HSPA5: variants seen among roughly 807,000 people sequenced by gnomAD.
The protein encoded by HSPA5 is endoplasmic reticulum chaperone BiP.
In HSPA5, 16 loss-of-function variants were observed where a neutral mutation model predicts 49.5. The ratio of observed to expected loss-of-function variants is 0.32; its 90% CI spans 0.22 to 0.49. The LOEUF is 0.49. Among genes scored for constraint, HSPA5 ranks in the 20% least tolerant of loss-of-function variants. The probability of loss-of-function intolerance (pLI) is 0.99; values close to 1 mark genes in which losing one functional copy is unlikely to be tolerated. For missense variants in HSPA5, 376 were observed against 819.0 expected (o/e 0.46, Z 6.60); for synonymous variants, 271 against 307.2 (o/e 0.88, Z 1.23).
Position 125,240,184 on chromosome 9 carries a change from A to G in HSPA5, c.480T>C (p.Tyr160=). 6.3e-7 allele frequency: 1 copy of G among 1,597,086 alleles called. No individual in the cohort carries two copies. The change falls in exon 3 of 8, where the codon TAT becomes TAC. Residue 160 remains tyrosine (Y), a synonymous_variant. Transcript: ENST00000324460. This position sits in a 1 kb window ranked among gnomAD's most constrained non-coding sequence, Gnocchi z 4.4. The part of the protein sequence containing the change: ...LTKMKETAEA[Y]LGKKVTHAVV... ...TAGAAATATTTACCTTCTTTCCCAA[A>G]TAAGCCTCAGCGGTTTCTTTCATTT... is the stretch of plus-strand genomic sequence containing the variant.
At chr9:125,238,029 G>T in intron 7 of HSPA5, 112 bp downstream of exon 7, 1 of 788,298 alleles carries the variant, frequency 1.3e-6, no homozygotes, top group Non-Finnish European at 2.1e-6. Flanking sequence ...TTGAACCCGG[G>T]AGACAGAATT....
At chr9:125,238,897 G>C in intron 5 of HSPA5, 44 bp downstream of exon 5, 1 of 1,604,458 alleles carries the variant, frequency 6.2e-7, no homozygotes, top group Non-Finnish European at 8.5e-7. Context: ...TGAATTCAGA[G>C]TCTAAGGAGA....
chr9:125,237,670 A>C (rs1165191557), intron 7 of HSPA5, among the ~76,000 whole-genome samples: 1 of 144,930 alleles, frequency 6.9e-6, no homozygotes, highest in Admixed American at 6.8e-5. Context: ...GCAAGACTCC[A>C]TTAAAAAAAA....
In HSPA5 at chr9:125,239,612, C is replaced by T; in HGVS notation, c.493-79G>A. 1 of 1,165,848 alleles carries T rather than the reference C, an allele frequency of 8.6e-7. No individual in the cohort carries two copies. Among genetic ancestry groups the T allele is most frequent in the South Asian group, 1.3e-5 (1 of 79,302 alleles). 72.2% of individuals were successfully genotyped at this position (1,165,848 alleles called of 1,614,324 possible). On this transcript the variant is annotated intron_variant, in intron 3 of 7. Transcript: ENST00000324460. The surrounding 1 kb of genome is among the most constrained non-coding windows in gnomAD (Gnocchi z 5.5). The stretch of plus-strand genomic sequence containing the variant: ...AAATTACAGTCTGGCCAGGCGGTGG[C>T]TTCTGCCTATAATCCCAGCACTTTG...
chr9:125,237,337 C>T (rs902557442), intron 7 of HSPA5, among the ~76,000 whole-genome samples, 183 bp from the exon 8 acceptor site: 1 of 152,192 alleles, frequency 6.6e-6, no homozygotes, highest in African/African-American at 2.4e-5. Flanking sequence ...ACTAACTCAA[C>T]TGAATTTTAT....
rs1403052459 is a variant in HSPA5 at position 125,235,389 on chromosome 9, A to G, written c.*1203T>C. On this transcript the variant is annotated 3_prime_UTR_variant, in exon 8 of 8. Transcript: ENST00000324460. ...GCTAATTTTTGTATTTTCAGTAGAG[A>G]TGGAGTTTCACCATGTTGGCAAAGA... 6.6e-6 allele frequency: 1 copy of G among 151,788 alleles called. No individual in the cohort carries two copies. Among genetic ancestry groups the G allele is most frequent in the African/African-American group, 2.4e-5 (1 of 41,302 alleles). 9.4% of individuals were successfully genotyped at this position (151,788 alleles called of 1,614,324 possible).
Position 125,239,040 on chromosome 9 carries a change from C to T in HSPA5, c.897G>A (p.Leu299=). 2 of 1,614,160 alleles carry T rather than the reference C, an allele frequency of 1.2e-6. No individual in the cohort carries two copies. The highest frequency in any genetic ancestry group is 1.7e-6 in the Non-Finnish European group (2 of 1,180,024). Residue 299 remains leucine, a synonymous_variant, in exon 5 of 8, where the codon CTG becomes CTA. Transcript: ENST00000324460. The surrounding 1 kb of genome is among the most constrained non-coding windows in gnomAD (Gnocchi z 5.5). ...CAATTCTTGCTTGATGCTGAGAAGA[C>T]AGGGCCCGTTTGGCCTTTTCTACCT... ...RREVEKAKRA[L]SSQHQARIEI... is the part of the protein sequence containing the mutation.
intron 7 of HSPA5, among the ~76,000 whole-genome samples, chr9:125,237,623 G>C (rs994812885): frequency 4.0e-5 from 6 of 150,122 alleles, no homozygotes; most frequent in African/African-American, 1.5e-4. Context: ...GGCAGAGGTT[G>C]CAAGTCATGC....
chr9:125,238,639 C>T lies in HSPA5; in HGVS notation c.1185G>A (p.Ala395=), dbSNP rs775362964. 1.1e-5 allele frequency: 18 copies of T among 1,614,092 alleles called. No individual in the cohort carries two copies. Among genetic ancestry groups the T allele is most frequent in the Admixed American group, 5.0e-5 (3 of 59,996 alleles). ...CACCAGCCTGGACAGCAGCACCATA[C>T]GCTACAGCTTCATCTGGGTTTATGC... ...SRGINPDEAV[A]YGAAVQAGVL... The change falls in exon 6 of 8, where the codon GCG becomes GCA. Residue 395 remains alanine, a synonymous_variant. Coordinates refer to ENST00000324460, the MANE Select transcript of HSPA5 (RefSeq NM_005347.5).
chr9:125,239,007 C>T lies in HSPA5; in HGVS notation c.930G>A (p.Glu310=), dbSNP rs1045278040. Residue 310 remains glutamate (E), a synonymous_variant, in exon 5 of 8, where the codon GAG becomes GAA. Transcript: ENST00000324460. This position sits in a 1 kb window ranked among gnomAD's most constrained non-coding sequence, Gnocchi z 5.5. Reference sequence around the variant, plus strand: ...AAAAGTCTTCTCCTTCATAGAAGGACTCAATTTCAATTCTTGCTTGATGCT... The same window carrying T: ...AAAAGTCTTCTCCTTCATAGAAGGATTCAATTTCAATTCTTGCTTGATGCT... ...SSQHQARIEI[E]SFYEGEDFSE... 3 of 1,613,924 alleles carry T rather than the reference C, an allele frequency of 1.9e-6. No individual in the cohort carries two copies. The African/African-American group carries it at 4.0e-5, about 22-fold the overall frequency.
In HSPA5 at chr9:125,241,139, T is replaced by G; in HGVS notation, c.-13A>C. The G allele has an allele frequency of 1.9e-6, 3 of 1,608,850 alleles. No individual in the cohort carries two copies. The highest frequency in any genetic ancestry group is 2.5e-6 in the Non-Finnish European group (3 of 1,178,202). On this transcript the variant is annotated 5_prime_UTR_variant, in exon 1 of 8. Coordinates refer to ENST00000324460, the MANE Select transcript of HSPA5 (RefSeq NM_005347.5). ...GGGAGAGCTTCATCTTGCCAGCCAG[T>G]TGGGCAGCAGCAGGCAGTCCAGCCA...
chr9:125,236,393 C>A lies in HSPA5; in HGVS notation c.*199G>T, dbSNP rs1832495287. ...TACCCGCTTTTTAAGATGGCCAATT[C>A]TTCTTCTCCCCCCCACCCAAAGACA... On this transcript the variant is annotated 3_prime_UTR_variant, in exon 8 of 8. Transcript: ENST00000324460. 8.3e-6 allele frequency: 4 copies of A among 482,520 alleles called. No individual in the cohort carries two copies. In the East Asian group the frequency reaches 9.9e-5, roughly 12 times the overall value. The allele number at this position is 482,520 out of a possible 1,614,324, so 29.9% of individuals were successfully genotyped here.
At position 125,237,000 on chromosome 9, in the gene HSPA5, C is replaced by T. The variant is rs151232464; in HGVS notation, c.1557G>A (p.Gly519=). The T allele has an allele frequency of 6.2e-6, 10 of 1,613,786 alleles. No homozygotes were observed. Among genetic ancestry groups the T allele is most frequent in the African/African-American group, 1.3e-5 (1 of 74,898 alleles). The change falls in exon 8 of 8, where the codon GGG becomes GGA. Residue 519 remains glycine, a synonymous_variant. Coordinates refer to ENST00000324460, the MANE Select transcript of HSPA5 (RefSeq NM_005347.5). ...TGGTGATTGTGATCTTATTTTTGTT[C>T]CCTGTACCCTTGTCTTCAGCTGTCA... ...LRVTAEDKGT[G]NKNKITITND...
Position 125,238,749 on chromosome 9 carries a change from T to G in HSPA5, c.1075A>C (p.Ile359Leu). The change falls in exon 6 of 8, where the codon ATT (isoleucine) becomes CTT (leucine). Residue 359 changes from isoleucine (I) to leucine (L), a missense_variant. Physicochemically the swap from Ile to Leu is conservative, Grantham distance 5. Transcript: ENST00000324460. ...SDLKKSDIDE[I>L]VLVGGSTRIP... Reference sequence around the variant, plus strand: ...CGAGTCGAGCCACCAACAAGAACAATTTCATCAATATCAGACTTCTTCAAA... The same window carrying G: ...CGAGTCGAGCCACCAACAAGAACAAGTTCATCAATATCAGACTTCTTCAAA... The G allele has an allele frequency of 2.5e-6, 4 of 1,614,164 alleles. No homozygotes were observed. The highest frequency in any genetic ancestry group is 3.4e-6 in the Non-Finnish European group (4 of 1,180,028).
At chr9:125,238,057 G>A (rs756558339) in intron 7 of HSPA5, 84 bp downstream of exon 7, 71 of 1,027,240 alleles carry the variant, frequency 6.9e-5, no homozygotes, top group Non-Finnish European at 9.7e-5. Context: ...AGCCGAGATC[G>A]TGCCACTGCA....
At position 125,240,589 on chromosome 9, in the gene HSPA5, GTC is replaced by G. The variant is rs1832551784; in HGVS notation, c.354+85_354+86del. 4 of 1,101,560 alleles carry G rather than the reference GTC, an allele frequency of 3.6e-6. No homozygotes were observed. The highest frequency in any genetic ancestry group is 1.6e-5 in the African/African-American group (1 of 63,984). The allele number at this position is 1,101,560 out of a possible 1,614,324, so 68.2% of individuals were successfully genotyped here. On this transcript the variant is annotated intron_variant, in intron 2 of 7. Transcript: ENST00000324460. This position sits in a 1 kb window ranked among gnomAD's most constrained non-coding sequence, Gnocchi z 4.4. ...ATCATGTCTATAACCTTCAACTGTT[GTC>G]TCAACACTTTTCCAGAGACTTATAA...
In HSPA5 at chr9:125,238,645, A is replaced by C. The variant is rs1348614669; in HGVS notation, c.1179T>G (p.Ala393=). 1 of 1,614,234 alleles carries C rather than the reference A, an allele frequency of 6.2e-7. No individual in the cohort carries two copies. Among genetic ancestry groups the C allele is most frequent in the South Asian group, 1.1e-5 (1 of 91,088 alleles). ...CCTGGACAGCAGCACCATACGCTAC[A>C]GCTTCATCTGGGTTTATGCCACGGG... The part of the protein sequence containing the change: ...EPSRGINPDE[A]VAYGAAVQAG... The change falls in exon 6 of 8, where the codon GCT becomes GCG. Residue 393 remains alanine, a synonymous_variant. Transcript: ENST00000324460.
chr9:125,241,245 G>T lies in HSPA5; in HGVS notation c.-119C>A, dbSNP rs1832562121. ...GGGGTCACAAGGCGCCACGAACCAG[G>T]CGAAGGGCAGGTCTAGAAATACAGG... On this transcript the variant is annotated 5_prime_UTR_variant, in exon 1 of 8. Transcript: ENST00000324460. 3 of 1,214,078 alleles carry T rather than the reference G, an allele frequency of 2.5e-6. No individual in the cohort carries two copies. The South Asian group carries it at 4.3e-5, about 17-fold the overall frequency. 75.2% of individuals were successfully genotyped at this position (1,214,078 alleles called of 1,614,324 possible).
Position 125,238,681 on chromosome 9 carries a change from G to A in HSPA5, c.1143C>T (p.Gly381=). 6.2e-7 allele frequency: 1 copy of A among 1,614,132 alleles called. No individual in the cohort carries two copies. Among genetic ancestry groups the A allele is most frequent in the South Asian group, 1.1e-5 (1 of 91,082 alleles). The stretch of plus-strand genomic sequence containing the variant: ...GGTTTATGCCACGGGATGGTTCCTT[G>A]CCATTGAAGAACTCTTTAACCAGTT... The part of the protein sequence containing the change: ...IQQLVKEFFN[G]KEPSRGINPD... Residue 381 remains glycine (G), a synonymous_variant, in exon 6 of 8, where the codon GGC becomes GGT. Coordinates refer to ENST00000324460, the MANE Select transcript of HSPA5 (RefSeq NM_005347.5).
Sources: allele counts gnomAD v4.1 joint callset (sites outside exome capture counted in the v4.1 genomes callset), GRCh38; gene constraint gnomAD v4.1.1; non-coding constraint Gnocchi (gnomAD v3.1); transcripts MANE v1.5; gene names NCBI Gene and HGNC (gene_info 2026-07-23, HGNC 2026-07-21).